The following PECAM1 variants were observed in gnomAD, a reference collection of about 807,000 sequenced individuals.
PECAM1 encodes the protein platelet and endothelial cell adhesion molecule 1.
A neutral mutation model predicts 13.8 loss-of-function variants in PECAM1; 8 were observed. That is an observed-to-expected ratio of 0.58 (90% CI 0.34 to 1.05). The LOEUF (loss-of-function observed/expected upper bound fraction) is 1.05. Among genes scored for constraint, PECAM1 ranks in the 50% least tolerant of loss-of-function variants. PECAM1 has a pLI of 0.03. For synonymous variants in PECAM1, 136 were observed against 52.6 expected, an observed-to-expected ratio of 2.58 and a Z score of -6.86; for missense variants, 304 against 141.2, an observed-to-expected ratio of 2.15 and a Z score of -5.84.
chr17:64,375,407 CT>C, intron 3 of PECAM1, 51 bp from the exon 4 acceptor site: 1 of 417,850 alleles, frequency 2.4e-6, no homozygotes, highest in Non-Finnish European at 4.3e-6. Flanking sequence ...AAGAGAAAGT[CT>C]GTCAGTATCA....
chr17:64,340,824 G>A (rs1055038976), intron 14 of PECAM1, among the ~76,000 whole-genome samples: 5 of 152,186 alleles, frequency 3.3e-5, no homozygotes, highest in African/African-American at 4.8e-5. Flanking sequence ...GCTGCTGGGC[G>A]CGGTGGCTCA....
At chr17:64,345,662 G>A (rs2035546242) in intron 13 of PECAM1, among the ~76,000 whole-genome samples, 1 of 148,372 alleles carries the variant, frequency 6.7e-6, no homozygotes, top group Non-Finnish European at 1.5e-5. Flanking sequence ...GCAGTGTGCC[G>A]AAACTGTGCC....
At chr17:64,378,594 A>G (rs1449476528) in intron 2 of PECAM1, among the ~76,000 whole-genome samples, 168 of 151,806 alleles carry the variant, frequency 1.1e-3, no homozygotes, top group African/African-American at 4.0e-3. Flanking sequence ...GTGAGGTGAG[A>G]TCTCACCACT....
intron 7 of PECAM1, 53 bp downstream of exon 7, chr17:64,360,087 G>A (rs1281128997): frequency 3.8e-5 from 18 of 474,994 alleles, no homozygotes; most frequent in East Asian, 1.9e-4. Context: ...GTCCCTGGGC[G>A]TGAAAGAATG....
chr17:64,375,126 A>G lies in PECAM1; in HGVS notation c.616T>C (p.Cys206Arg). The G allele has an allele frequency of 2.1e-6, 1 of 475,416 alleles. No homozygotes were observed. The highest frequency in any genetic ancestry group is 3.9e-6 in the Non-Finnish European group (1 of 259,056). 29.4% of individuals were successfully genotyped at this position (475,416 alleles called of 1,614,324 possible). The change falls in exon 4 of 16, where the codon TGT becomes CGT. Residue 206 changes from cysteine (C) to arginine (R), a missense_variant. Physicochemically the swap from Cys to Arg is radical, Grantham distance 180 (BLOSUM62 -3). Coordinates refer to ENST00000563924, the MANE Select transcript of PECAM1 (RefSeq NM_000442.5). Reference sequence around the variant, plus strand: ...ATCCCAGAAATGATCCTAGCTTGACATCGGAAGGATAAAACGCGGTCCTGT... The same window carrying G: ...ATCCCAGAAATGATCCTAGCTTGACGTCGGAAGGATAAAACGCGGTCCTGT... ...EEQDRVLSFRCQARIISGIHM... is the reference protein window; with the variant it reads ...EEQDRVLSFRRQARIISGIHM...
At chr17:64,343,866 T>C (rs1313625355) in intron 13 of PECAM1, among the ~76,000 whole-genome samples, 1 of 152,048 alleles carries the variant, frequency 6.6e-6, no homozygotes, top group Non-Finnish European at 1.5e-5. Context: ...TATTGGGGGA[T>C]CCTCCACATC....
chr17:64,358,855 G>A (rs1173355479), intron 7 of PECAM1, among the ~76,000 whole-genome samples: 8 of 151,422 alleles, frequency 5.3e-5, no homozygotes, highest in African/African-American at 9.7e-5. Flanking sequence ...GGAGTGTAGC[G>A]GAATGATATT....
rs2035846583 is a variant in PECAM1, at chr17:64,356,382, G to A, written c.1509C>T (p.Val503=). 1 of 469,346 alleles carries A rather than the reference G, an allele frequency of 2.1e-6. No homozygotes were observed. The highest frequency in any genetic ancestry group is 3.9e-6 in the Non-Finnish European group (1 of 256,580). 29.1% of individuals were successfully genotyped at this position (469,346 alleles called of 1,614,324 possible). Residue 503 remains valine, a synonymous_variant, in exon 8 of 16, where the codon GTC becomes GTT. Coordinates refer to ENST00000563924, the MANE Select transcript of PECAM1 (RefSeq NM_000442.5). ...RVKVIAPVDE[V]QISILSSKVV... is the part of the protein sequence containing the mutation. ...CCTTACTTGACAGGATAGAAATCTG[G>A]ACCTCATCCACCGGGGCTGAAAAGC...
rs563007811 is a variant in PECAM1, at chr17:64,329,705, A to G, written c.2182T>C (p.Tyr728His). 2.9e-5 allele frequency: 22 copies of G among 768,602 alleles called. No individual in the cohort carries two copies. In the East Asian group the frequency reaches 3.9e-4, roughly 14 times the overall value. The allele number at this position is 768,602 out of a possible 1,614,324, so 47.6% of individuals were successfully genotyped here. The stretch of plus-strand genomic sequence containing the variant: ...TATATGAAATGTGTACTTACAGAGT[A>G]TCTGCTTTCCACGGCATCTACAAAA... Reference protein sequence around the residue: ...KAVPDAVESRYSRTEGSLDGT With the variant: ...KAVPDAVESRHSRTEGSLDGT Residue 728 changes from tyrosine to histidine, a missense_variant, in exon 15 of 16, where the codon TAC becomes CAC. By Grantham distance (83) the Tyr-to-His change is moderately conservative. Coordinates refer to ENST00000563924, the MANE Select transcript of PECAM1 (RefSeq NM_000442.5).
intron 14 of PECAM1, among the ~76,000 whole-genome samples, chr17:64,333,395 G>A (rs2035180472): frequency 6.6e-6 from 1 of 152,092 alleles, no homozygotes; most frequent in South Asian, 2.1e-4. Flanking sequence ...TGCAGGAGGT[G>A]AATTCCTCTG....
At chr17:64,382,529 C>T (rs1052672367) in intron 2 of PECAM1, among the ~76,000 whole-genome samples, 3 of 152,026 alleles carry the variant, frequency 2.0e-5, no homozygotes, top group South Asian at 2.1e-4. Context: ...GAAATAAAGT[C>T]GACTCTTTTT....
chr17:64,383,497 A>T (rs1218944384), intron 2 of PECAM1, among the ~76,000 whole-genome samples: 1 of 152,020 alleles, frequency 6.6e-6, no homozygotes, highest in African/African-American at 2.4e-5. Flanking sequence ...CATAGCAAAC[A>T]TTTAAGGGGG....
intron 14 of PECAM1, among the ~76,000 whole-genome samples, chr17:64,333,528 C>T (rs1054927095): frequency 5.9e-5 from 9 of 152,160 alleles, no homozygotes; most frequent in Admixed American, 1.3e-4. Context: ...CTCCACGAGA[C>T]GCAGTAGCAT....
intron 8 of PECAM1, 127 bp from the exon 9 acceptor site, chr17:64,355,167 C>T (rs1202778163): frequency 2.5e-6 from 1 of 402,594 alleles, no homozygotes; most frequent in South Asian, 1.4e-4. Context: ...TGGCAGCTTG[C>T]CTTAGCATCC....
intron 13 of PECAM1, among the ~76,000 whole-genome samples, chr17:64,342,177 G>GA (rs2035451307): frequency 9.1e-6 from 1 of 110,334 alleles, no homozygotes; most frequent in Non-Finnish European, 2.0e-5. Context: ...GAAGAAGAAG[G>GA]TCTTGGTCTA....
intron 9 of PECAM1, 71 bp downstream of exon 9, chr17:64,354,861 AG>A: frequency 2.1e-6 from 1 of 469,026 alleles, no homozygotes; most frequent in South Asian, 7.2e-5. Context: ...GGGTCAGAAA[AG>A]CACCACGCAT....
Position 64,322,776 on chromosome 17 carries a change from C to A in PECAM1, c.*1040G>T, listed in dbSNP as rs782538743. The A allele has an allele frequency of 8.3e-6, 6 of 724,252 alleles. No homozygotes were observed. Among genetic ancestry groups the A allele is most frequent in the Non-Finnish European group, 8.5e-6 (5 of 591,316 alleles). 44.9% of individuals were successfully genotyped at this position (724,252 alleles called of 1,614,324 possible). A position where few individuals can be genotyped will look rare whatever the true frequency, so the allele number is the denominator to read the frequency against. On this transcript the variant is annotated 3_prime_UTR_variant, in exon 16 of 16. Transcript: ENST00000563924. ...TGTCACTCAGGCTGGAGTGCAGTGG[C>A]GCGATCTCCGCTCACTACAACCTCC...
intron 9 of PECAM1, among the ~76,000 whole-genome samples, chr17:64,354,693 G>T (rs1254253061): frequency 1.3e-5 from 2 of 152,066 alleles, no homozygotes; most frequent in East Asian, 3.9e-4. Flanking sequence ...CAAGACACTT[G>T]CACCCCACTC....
At chr17:64,386,608 G>C (rs1031353646) in intron 2 of PECAM1, among the ~76,000 whole-genome samples, 4 of 152,078 alleles carry the variant, frequency 2.6e-5, no homozygotes, top group African/African-American at 9.7e-5. Flanking sequence ...ATTCCCAGGA[G>C]GATGTGTGTG....
Sources: gnomAD v4.1 joint callset for allele counts (sites outside exome capture counted in the v4.1 genomes callset) on GRCh38, gnomAD v4.1.1 for gene constraint, MANE v1.5 for transcripts, NCBI Gene and HGNC (gene_info 2026-07-23, HGNC 2026-07-21) for gene names.